The following CABCOCO1 variants were observed in gnomAD, a reference collection of about 807,000 sequenced individuals.
CABCOCO1 encodes the protein ciliary associated calcium binding coiled-coil 1, also known as ciliary-associated calcium-binding coiled-coil protein 1.
Under a neutral mutation model 35.7 loss-of-function variants are expected in CABCOCO1, and 28 were observed. The observed-to-expected ratio is 0.78, with a 90% CI of 0.58 to 1.07. The LOEUF (loss-of-function observed/expected upper bound fraction) is 1.07, where lower values mean the gene tolerates loss of function less well. Ranked by LOEUF, CABCOCO1 falls within the 50% of genes least tolerant of loss-of-function variation. CABCOCO1 has a pLI of 0.00. For missense variants in CABCOCO1, 326 were observed against 309.2 expected (o/e 1.05, Z -0.41); for synonymous variants, 95 against 100.1 (o/e 0.95, Z 0.30).
Position 61,744,916 on chromosome 10 carries a change from T to C in CABCOCO1, c.553-15143T>C, listed in dbSNP as rs528389087. On this transcript the variant is annotated intron_variant, in intron 5 of 7. Transcript: ENST00000648843. ...AAATGTATGAGTTCGTTTCCAAATGTGCGCTATATTCTGCAGCCCTATATT... is the reference window on the plus strand; with the variant it reads ...AAATGTATGAGTTCGTTTCCAAATGCGCGCTATATTCTGCAGCCCTATATT... Among the ~76,000 whole-genome samples, 7 of 152,314 alleles carry C rather than the reference T, an allele frequency of 4.6e-5. No homozygotes were observed. The South Asian group carries it at 1.5e-3, about 32-fold the overall frequency.
chr10:61,733,353 C>T (rs1203896091), intron 5 of CABCOCO1, among the ~76,000 whole-genome samples: 1 of 151,876 alleles, frequency 6.6e-6, no homozygotes, highest in Non-Finnish European at 1.5e-5. Flanking sequence ...GATTAAATTA[C>T]CTACCTAATT....
chr10:61,709,935 T>C lies in CABCOCO1; in HGVS notation c.552+19314T>C, dbSNP rs114972791. On this transcript the variant is annotated intron_variant, in intron 5 of 7. Coordinates refer to ENST00000648843, the MANE Select transcript of CABCOCO1 (RefSeq NM_001366906.2). ...TACTTGCCATTCCAAAACTATAAAA[T>C]GAATTAAGAGGGAGAACGACTTGAA... Among the ~76,000 whole-genome samples the C allele has an allele frequency of 2.3e-3, 354 of 152,116 alleles. 1 individual carries two copies. The highest frequency in any genetic ancestry group is 8.3e-3 in the African/African-American group (345 of 41,526).
Position 61,751,472 on chromosome 10 carries a change from C to A in CABCOCO1, c.553-8587C>A, listed in dbSNP as rs137856403. Reference sequence around the variant, plus strand: ...GGAATAACTGAAGACAGCTGCAAGGCTTTGAGTCCAGTAACTGAGAAGCTG... The same window carrying A: ...GGAATAACTGAAGACAGCTGCAAGGATTTGAGTCCAGTAACTGAGAAGCTG... On this transcript the variant is annotated intron_variant, in intron 5 of 7. Transcript: ENST00000648843. Among the ~76,000 whole-genome samples the A allele has an allele frequency of 6.7e-4, 102 of 152,144 alleles. 3 individuals are homozygous for A. The East Asian group carries it at 0.019, about 28-fold the overall frequency.
chr10:61,681,421 C>T (rs917256743), intron 3 of CABCOCO1, 109 bp downstream of exon 3: 13 of 803,428 alleles, frequency 1.6e-5, no homozygotes, highest in South Asian at 1.3e-4. Flanking sequence ...ATGAAAAATA[C>T]GGGTTTTTCC....
chr10:61,721,897 C>T (rs955896285), intron 5 of CABCOCO1, among the ~76,000 whole-genome samples: 16 of 152,246 alleles, frequency 1.1e-4, no homozygotes, highest in East Asian at 1.9e-4. Flanking sequence ...AGATGTTGAA[C>T]GTAATTATGC....
At chr10:61,755,855 A>G (rs2132086641) in intron 5 of CABCOCO1, among the ~76,000 whole-genome samples, 1 of 152,136 alleles carries the variant, frequency 6.6e-6, no homozygotes, top group African/African-American at 2.4e-5. Flanking sequence ...AAATTTTCAG[A>G]TAAAATCTTT....
intron 3 of CABCOCO1, among the ~76,000 whole-genome samples, chr10:61,682,659 A>G (rs928567389): frequency 1.3e-5 from 2 of 152,228 alleles, no homozygotes; most frequent in African/African-American, 2.4e-5. Flanking sequence ...TATGCCAGTC[A>G]TAGTGCTATT....
chr10:61,716,886 G>A (rs1179684061), intron 5 of CABCOCO1, among the ~76,000 whole-genome samples: 1 of 124,036 alleles, frequency 8.1e-6, no homozygotes, highest in African/African-American at 2.5e-5. Context: ...GAGATTGTTT[G>A]GCTTGTGACT....
At chr10:61,752,407 A>G (rs552075035) in intron 5 of CABCOCO1, among the ~76,000 whole-genome samples, 12 of 151,954 alleles carry the variant, frequency 7.9e-5, no homozygotes, top group Non-Finnish European at 1.3e-4. Context: ...AGCTAAGCAG[A>G]GAGGGAAATA....
At chr10:61,739,812 C>T (rs1411818816) in intron 5 of CABCOCO1, among the ~76,000 whole-genome samples, 2 of 152,018 alleles carry the variant, frequency 1.3e-5, no homozygotes, top group Non-Finnish European at 2.9e-5. Flanking sequence ...CATGGTGGCA[C>T]GTGCCTGTAG....
intron 5 of CABCOCO1, among the ~76,000 whole-genome samples, chr10:61,726,091 A>G (rs1400062957): frequency 6.6e-6 from 1 of 152,218 alleles, no homozygotes; most frequent in Non-Finnish European, 1.5e-5. Context: ...TTTAAAATCT[A>G]TCAAAATTTT....
chr10:61,740,965 G>C (rs1841537205), intron 5 of CABCOCO1, among the ~76,000 whole-genome samples: 1 of 151,950 alleles, frequency 6.6e-6, no homozygotes, highest in Admixed American at 6.6e-5. Flanking sequence ...TGACCAACAT[G>C]GTGAAACCCC....
intron 5 of CABCOCO1, among the ~76,000 whole-genome samples, chr10:61,757,414 T>C (rs1315191715): frequency 6.6e-6 from 1 of 152,056 alleles, no homozygotes; most frequent in African/African-American, 2.4e-5. Context: ...CTAACACAGC[T>C]AAGTGTAATT....
At position 61,662,986 on chromosome 10, in the gene CABCOCO1, C is replaced by G. The variant is rs1432848713; in HGVS notation, c.14C>G (p.Thr5Arg). The G allele has an allele frequency of 2.6e-6, 1 of 388,700 alleles. No individual in the cohort carries two copies. Among genetic ancestry groups the G allele is most frequent in the South Asian group, 1.8e-5 (1 of 55,826 alleles). The allele number at this position is 388,700 out of a possible 1,614,324, so 24.1% of individuals were successfully genotyped here. A position where few individuals can be genotyped will look rare whatever the true frequency, so the allele number is the denominator to read the frequency against. Residue 5 changes from threonine to arginine, a missense_variant, in exon 1 of 8, where the codon ACG (threonine) becomes AGG (arginine). Physicochemically the swap from Thr to Arg is moderately conservative, Grantham distance 71. Coordinates refer to ENST00000648843, the MANE Select transcript of CABCOCO1 (RefSeq NM_001366906.2). Reference sequence around the variant, plus strand: ...GAGATTGCGGCGATGTCGCAGGGGACGACTCCCTGGGGGCCGACCCCGGCG... The same window carrying G: ...GAGATTGCGGCGATGTCGCAGGGGAGGACTCCCTGGGGGCCGACCCCGGCG... MSQG[T>R]TPWGPTPAGT...
chr10:61,737,075 T>C (rs1841434269), intron 5 of CABCOCO1, among the ~76,000 whole-genome samples: 1 of 152,128 alleles, frequency 6.6e-6, no homozygotes, highest in African/African-American at 2.4e-5. Flanking sequence ...GATAGAGAAT[T>C]ATCTTGTCAT....
rs1366369238 is a variant in CABCOCO1 at position 61,766,743 on chromosome 10, A to G, written c.*730A>G. ...TAGATTGTAAAAATCTTAAATACAA[A>G]TCAAACTCATAGAGTTCCCAGAATT... On this transcript the variant is annotated 3_prime_UTR_variant, in exon 8 of 8. Transcript: ENST00000648843. 1 of 152,178 alleles carries G rather than the reference A, an allele frequency of 6.6e-6. No individual in the cohort carries two copies. Among genetic ancestry groups the G allele is most frequent in the African/African-American group, 2.4e-5 (1 of 41,458 alleles). The allele number at this position is 152,178 out of a possible 1,614,324, so 9.4% of individuals were successfully genotyped here.
At chr10:61,701,278 T>C (rs1465021092) in intron 5 of CABCOCO1, among the ~76,000 whole-genome samples, 1 of 152,194 alleles carries the variant, frequency 6.6e-6, no homozygotes, top group Non-Finnish European at 1.5e-5. Flanking sequence ...CTTTTTTCCT[T>C]GCTTATTTAA....
chr10:61,672,582 T>C (rs1027337677), intron 1 of CABCOCO1, 50 bp from the exon 2 acceptor site: 14 of 419,206 alleles, frequency 3.3e-5, no homozygotes, highest in Non-Finnish European at 4.5e-5. Flanking sequence ...TTGGGTTTAA[T>C]ATATGAAACG....
chr10:61,730,961 C>T (rs1432155798), intron 5 of CABCOCO1, among the ~76,000 whole-genome samples: 3 of 151,186 alleles, frequency 2.0e-5, no homozygotes, highest in Non-Finnish European at 4.4e-5. Flanking sequence ...TCTTGTAAAT[C>T]GAAAGAGACT....
Sources: gnomAD v4.1 joint callset for allele counts (sites outside exome capture counted in the v4.1 genomes callset) on GRCh38, gnomAD v4.1.1 for gene constraint, MANE v1.5 for transcripts, NCBI Gene and HGNC (gene_info 2026-07-23, HGNC 2026-07-21) for gene names.